CFH: variants seen among roughly 807,000 people sequenced by gnomAD.
CFH encodes the protein complement factor H, also known as H factor 1 (complement).
A neutral mutation model predicts 147.3 loss-of-function variants in CFH; 53 were observed. The observed-to-expected ratio is 0.36, with a 90% CI of 0.29 to 0.45. The LOEUF (loss-of-function observed/expected upper bound fraction) is 0.45, where lower values mean the gene tolerates loss of function less well. Ranked by LOEUF, CFH falls within the 20% of genes least tolerant of loss-of-function variation. The probability of loss-of-function intolerance (pLI) is 1.00; values close to 1 mark genes in which losing one functional copy is unlikely to be tolerated. For synonymous variants in CFH, 536 were observed against 489.4 expected (o/e 1.10, Z -1.26); for missense variants, 1,380 against 1,498.0 (o/e 0.92, Z 1.30).
intron 9 of CFH, among the ~76,000 whole-genome samples, chr1:196,705,582 C>T (rs1453165436): frequency 6.6e-6 from 1 of 152,104 alleles, no homozygotes; most frequent in Non-Finnish European, 1.5e-5. Flanking sequence ...TTGATTTGTT[C>T]ATACATGAGA....
intron 9 of CFH, among the ~76,000 whole-genome samples, chr1:196,691,379 T>C (rs1321260601): frequency 6.6e-6 from 1 of 152,162 alleles, no homozygotes; most frequent in East Asian, 1.9e-4. Flanking sequence ...ACAGTATTTA[T>C]TCCAACATAC....
chr1:196,688,254 T>G (rs1424301150), intron 7 of CFH, among the ~76,000 whole-genome samples: 1 of 152,006 alleles, frequency 6.6e-6, no homozygotes, highest in African/African-American at 2.4e-5. Context: ...GTTAATATAA[T>G]AAACAAGATA....
intron 11 of CFH, among the ~76,000 whole-genome samples, chr1:196,722,047 A>C (rs1669013535): frequency 6.6e-6 from 1 of 152,058 alleles, no homozygotes; most frequent in South Asian, 2.1e-4. Context: ...TTATGTTAAA[A>C]GTTAATATTG....
chr1:196,685,828 T>C (rs1667807358), intron 7 of CFH, among the ~76,000 whole-genome samples: 1 of 152,080 alleles, frequency 6.6e-6, no homozygotes, highest in African/African-American at 2.4e-5. Flanking sequence ...TCTCCAGCAC[T>C]GCTAATCTGA....
intron 21 of CFH, among the ~76,000 whole-genome samples, 195 bp from the exon 22 acceptor site, chr1:196,746,916 C>A (rs1653028839): frequency 1.3e-5 from 2 of 152,126 alleles, no homozygotes; most frequent in South Asian, 4.1e-4. Context: ...ATACATTAAA[C>A]ATCGAACCTC....
At chr1:196,716,080 A>G (rs1283341831) in intron 11 of CFH, among the ~76,000 whole-genome samples, 22 of 152,144 alleles carry the variant, frequency 1.4e-4, no homozygotes, top group Admixed American at 1.4e-3. Context: ...ATAGTTGGTT[A>G]CAACTTCCTC....
chr1:196,679,558 T>C, intron 5 of CFH, 65 bp from the exon 6 acceptor site: 1 of 1,233,186 alleles, frequency 8.1e-7, no homozygotes, highest in Non-Finnish European at 1.2e-6. Context: ...TTTCATATAA[T>C]TATGTCCTGG....
At chr1:196,745,458 G>A (rs748656274) in intron 20 of CFH, among the ~76,000 whole-genome samples, 2 of 151,980 alleles carry the variant, frequency 1.3e-5, no homozygotes, top group Non-Finnish European at 2.9e-5. Context: ...AAAAATTTTT[G>A]TCATACTTTT....
At chr1:196,722,763 C>T (rs545060129) in intron 11 of CFH, among the ~76,000 whole-genome samples, 1 of 152,120 alleles carries the variant, frequency 6.6e-6, no homozygotes, top group African/African-American at 2.4e-5. Flanking sequence ...AAAACCTTTG[C>T]TCATTAAAAA....
chr1:196,713,977 T>G (rs1314646838), intron 10 of CFH, 60 bp downstream of exon 10: 1 of 1,486,160 alleles, frequency 6.7e-7, no homozygotes, highest in African/African-American at 1.4e-5. Flanking sequence ...TTTACTAACT[T>G]TAGTCTTTTT....
At chr1:196,683,055 G>C (rs1316165944) in intron 6 of CFH, among the ~76,000 whole-genome samples, 1 of 151,270 alleles carries the variant, frequency 6.6e-6, no homozygotes, top group Non-Finnish European at 1.5e-5. Context: ...AAAATGGCAG[G>C]AGATGAGATG....
chr1:196,669,487 T>C (rs1667206155), intron 1 of CFH, among the ~76,000 whole-genome samples: 1 of 151,892 alleles, frequency 6.6e-6, no homozygotes, highest in Non-Finnish European at 1.5e-5. Flanking sequence ...GTCTCAGGAG[T>C]TGGTGGCTTG....
rs532297910 is a variant in CFH at position 196,709,059 on chromosome 1, A to G, written c.1337-4676A>G. ...TTGATTTTCTCTTGGCTTTACAGAG[A>G]GGAGTCTGTACAGTGATCAATACCA... is the stretch of plus-strand genomic sequence containing the variant. On this transcript the variant is annotated intron_variant, in intron 9 of 21. Coordinates refer to ENST00000367429, the MANE Select transcript of CFH (RefSeq NM_000186.4). Among the ~76,000 whole-genome samples, 38 of 152,288 alleles carry G rather than the reference A, an allele frequency of 2.5e-4. No individual in the cohort carries two copies. In the South Asian group the frequency reaches 6.0e-3, roughly 24 times the overall value.
intron 5 of CFH, chr1:196,679,175 A>C (rs1667564526): frequency 6.5e-6 from 1 of 153,792 alleles, no homozygotes; most frequent in Non-Finnish European, 1.4e-5. Context: ...CTAAATAGTG[A>C]TGACACAAAA....
intron 1 of CFH, among the ~76,000 whole-genome samples, chr1:196,665,222 T>G (rs1429966888): frequency 2.0e-5 from 3 of 151,794 alleles, no homozygotes; most frequent in African/African-American, 7.2e-5. Context: ...TTAAATTTTC[T>G]CCACATTTTG....
intron 7 of CFH, among the ~76,000 whole-genome samples, chr1:196,687,844 G>GA (rs535005666): frequency 4.6e-5 from 7 of 151,674 alleles, no homozygotes; most frequent in South Asian, 2.1e-4. Context: ...GATAAATAGG[G>GA]AAAAAAATCT....
rs780807160 is a variant in CFH, at chr1:196,673,954, T to C, written c.342T>C (p.Cys114=). ...FEYGVKAVYT[C]NEGYQLLGEI... is the part of the protein sequence containing the mutation. Reference sequence around the variant, plus strand: ...ATGGTGTAAAAGCTGTGTATACATGTAATGAGGGGTATGTAGTCCATACGA... The same window carrying C: ...ATGGTGTAAAAGCTGTGTATACATGCAATGAGGGGTATGTAGTCCATACGA... Residue 114 remains cysteine, a synonymous_variant, in exon 3 of 22, where the codon TGT becomes TGC. Transcript: ENST00000367429. 10 of 1,603,224 alleles carry C rather than the reference T, an allele frequency of 6.2e-6. No homozygotes were observed. In the South Asian group the frequency reaches 1.1e-4, roughly 18 times the overall value.
intron 15 of CFH, among the ~76,000 whole-genome samples, chr1:196,731,518 A>G (rs1669279859): frequency 6.6e-6 from 1 of 151,950 alleles, no homozygotes; most frequent in Non-Finnish European, 1.5e-5. Flanking sequence ...CCTTTATGCT[A>G]GCTGTATTTA....
rs111782898 is a variant in CFH, at chr1:196,689,604, A to G, written c.1149A>G (p.Val383=). 1 of 1,613,468 alleles carries G rather than the reference A, an allele frequency of 6.2e-7. No homozygotes were observed. The highest frequency in any genetic ancestry group is 1.3e-5 in the African/African-American group (1 of 75,006). The change falls in exon 8 of 22, where the codon GTA becomes GTG. Residue 383 remains valine, a synonymous_variant. Coordinates refer to ENST00000367429, the MANE Select transcript of CFH (RefSeq NM_000186.4). ...CACAAGATGGATGGTCGCCAGCAGT[A>G]CCATGCCTCAGTAAGTAAACCTCTG... ...HCTQDGWSPA[V]PCLRKCYFPY...
Sources: gnomAD v4.1 joint callset for allele counts (sites outside exome capture counted in the v4.1 genomes callset) on GRCh38, gnomAD v4.1.1 for gene constraint, MANE v1.5 for transcripts, NCBI Gene and HGNC (gene_info 2026-07-23, HGNC 2026-07-21) for gene names.